Variants in LPP observed in about 807,000 individuals in gnomAD.
LPP encodes the protein lipoma-preferred partner.
LPP carries 38 observed loss-of-function variants against 60.4 expected under a neutral mutation model. The observed-to-expected ratio is 0.63, with a 90% CI of 0.49 to 0.83. LPP has a LOEUF of 0.83. LPP is among the 40% of genes least tolerant of loss of function. The pLI is 0.00. For synonymous variants in LPP, 328 were observed against 290.8 expected, an observed-to-expected ratio of 1.13 and a Z score of -1.30; for missense variants, 902 against 783.6, an observed-to-expected ratio of 1.15 and a Z score of -1.80.
chr3:188,576,680 A>T (rs548586624), intron 6 of LPP, among the ~76,000 whole-genome samples: 1 of 152,242 alleles, frequency 6.6e-6, no homozygotes, highest in Non-Finnish European at 1.5e-5. Context: ...CTAACAGGAA[A>T]ATTATGTTAG....
intron 4 of LPP, among the ~76,000 whole-genome samples, chr3:188,444,117 C>T (rs1180292102): frequency 6.6e-6 from 1 of 152,124 alleles, no homozygotes. Flanking sequence ...TTTCTCTTTA[C>T]AATTCAGATA....
chr3:188,161,485 T>C (rs1472661790), intron 1 of LPP, among the ~76,000 whole-genome samples: 2 of 152,208 alleles, frequency 1.3e-5, no homozygotes, highest in African/African-American at 4.8e-5. Flanking sequence ...CCAAAGTTTG[T>C]AGTCAACAGG....
chr3:188,746,910 G>A (rs1726405420), intron 8 of LPP, among the ~76,000 whole-genome samples: 1 of 152,066 alleles, frequency 6.6e-6, no homozygotes, highest in South Asian at 2.1e-4. Flanking sequence ...GTCTTGAAGG[G>A]CTGCCCAGAA....
intron 2 of LPP, among the ~76,000 whole-genome samples, chr3:188,286,663 T>C (rs1744020324): frequency 6.6e-6 from 1 of 152,164 alleles, no homozygotes; most frequent in Non-Finnish European, 1.5e-5. Flanking sequence ...AATAAATGTA[T>C]TGATACTAAA....
chr3:188,370,600 T>C (rs563302391), intron 3 of LPP, among the ~76,000 whole-genome samples: 8 of 152,302 alleles, frequency 5.3e-5, no homozygotes, highest in African/African-American at 1.9e-4. Flanking sequence ...TGCAGGCTAG[T>C]GTCTCACAGT....
intron 4 of LPP, among the ~76,000 whole-genome samples, chr3:188,467,051 C>T (rs892590172): frequency 3.3e-5 from 5 of 150,010 alleles, no homozygotes; most frequent in African/African-American, 9.8e-5. Context: ...GTGTATAATT[C>T]TGGTCAGGCT....
At chr3:188,636,172 A>T (rs1393405898) in intron 7 of LPP, among the ~76,000 whole-genome samples, 1 of 152,190 alleles carries the variant, frequency 6.6e-6, no homozygotes, top group Non-Finnish European at 1.5e-5. Context: ...GCAGTGCCAG[A>T]CAGTGGGCGC....
chr3:188,275,386 C>A (rs1004167625), intron 2 of LPP, among the ~76,000 whole-genome samples: 1 of 152,066 alleles, frequency 6.6e-6, no homozygotes, highest in Non-Finnish European at 1.5e-5. Context: ...ATGAGGTCTC[C>A]CCTCCCTCTG....
chr3:188,409,955 C>T (rs1784512284), intron 4 of LPP, among the ~76,000 whole-genome samples: 1 of 152,166 alleles, frequency 6.6e-6, no homozygotes, highest in Non-Finnish European at 1.5e-5. Flanking sequence ...TTACCCAAAC[C>T]TTGTACTATA....
chr3:188,203,526 AAT>A (rs1184377672), intron 1 of LPP, among the ~76,000 whole-genome samples: 2 of 32,462 alleles, frequency 6.2e-5, no homozygotes, highest in African/African-American at 9.0e-5. Flanking sequence ...AATATATATA[AAT>A]ATATATTTAA....
rs1230494339 is a variant in LPP, at chr3:188,309,359, A to G, written c.-66-32304A>G. Among the ~76,000 whole-genome samples the G allele has an allele frequency of 2.6e-5, 4 of 152,054 alleles. No individual in the cohort carries two copies. In the East Asian group the frequency reaches 7.7e-4, roughly 29 times the overall value. On this transcript the variant is annotated intron_variant, in intron 2 of 11. Transcript: ENST00000617246. ...CTTCTAATATACAGTGGAGGAGAGT[A>G]ATTTTTGCATTACCTACTTTGCAGG...
chr3:188,788,353 C>T (rs985143210), intron 9 of LPP, among the ~76,000 whole-genome samples: 7 of 152,168 alleles, frequency 4.6e-5, no homozygotes, highest in Non-Finnish European at 8.8e-5. Context: ...AAACACTTGT[C>T]CTTGATGGAA....
intron 2 of LPP, among the ~76,000 whole-genome samples, chr3:188,240,339 A>C: frequency 7.0e-6 from 1 of 143,844 alleles, no homozygotes; most frequent in African/African-American, 2.7e-5. Context: ...AGTTTTGGGT[A>C]AGAGTGTGTG....
chr3:188,708,147 C>T, intron 7 of LPP, 120 bp from the exon 8 acceptor site: 2 of 1,085,134 alleles, frequency 1.8e-6, no homozygotes, highest in South Asian at 1.5e-5. Flanking sequence ...AAACCCAGGT[C>T]TCCTGACAGC....
At chr3:188,550,388 C>T (rs1399148660) in intron 6 of LPP, among the ~76,000 whole-genome samples, 1 of 151,896 alleles carries the variant, frequency 6.6e-6, no homozygotes, top group Non-Finnish European at 1.5e-5. Flanking sequence ...ACCATCCTGG[C>T]TAACATGGTG....
intron 4 of LPP, among the ~76,000 whole-genome samples, chr3:188,437,007 T>G (rs1218492416): frequency 6.6e-6 from 1 of 152,166 alleles, no homozygotes; most frequent in Non-Finnish European, 1.5e-5. Flanking sequence ...GAGTAAAGAC[T>G]CTGCCAACCT....
At chr3:188,800,534 C>G (rs1214518476) in intron 9 of LPP, among the ~76,000 whole-genome samples, 1 of 152,112 alleles carries the variant, frequency 6.6e-6, no homozygotes, top group Admixed American at 6.6e-5. Context: ...CGTGAGCCAC[C>G]ACACCCGGCC....
intron 6 of LPP, among the ~76,000 whole-genome samples, chr3:188,607,702 G>A (rs1161298204): frequency 6.6e-6 from 1 of 151,620 alleles, no homozygotes; most frequent in Non-Finnish European, 1.5e-5. Flanking sequence ...TTTGAAAATC[G>A]AGCACATTTT....
intron 4 of LPP, among the ~76,000 whole-genome samples, chr3:188,434,889 G>T (rs1405688838): frequency 6.6e-6 from 1 of 152,132 alleles, no homozygotes; most frequent in Non-Finnish European, 1.5e-5. Context: ...TTGTTTCCAA[G>T]ATTTAGTTCT....
Sources: allele counts gnomAD v4.1 joint callset (sites outside exome capture counted in the v4.1 genomes callset), GRCh38; gene constraint gnomAD v4.1.1; transcripts MANE v1.5; gene names NCBI Gene and HGNC (gene_info 2026-07-23, HGNC 2026-07-21).